Variants in TNFRSF19 observed in about 807,000 individuals in gnomAD.
TNFRSF19 encodes tumor necrosis factor receptor superfamily member 19.
Under a neutral mutation model 46.4 loss-of-function variants are expected in TNFRSF19, and 27 were observed. The ratio of observed to expected loss-of-function variants is 0.58; its 90% CI spans 0.43 to 0.80. TNFRSF19 has a LOEUF of 0.80. TNFRSF19 is among the 30% of genes least tolerant of loss of function. The pLI is 0.00. For synonymous variants in TNFRSF19, 204 were observed against 205.0 expected (o/e 1.00, Z 0.04); for missense variants, 511 against 530.8 (o/e 0.96, Z 0.37).
chr13:23,665,628 G>A (rs1227366204), intron 7 of TNFRSF19, among the ~76,000 whole-genome samples: 1 of 152,008 alleles, frequency 6.6e-6, no homozygotes. Context: ...TCTCGTGTGT[G>A]TGTATACTTG....
rs76896971 is a variant in TNFRSF19, at chr13:23,639,754, G to T, written c.445+12962G>T. On this transcript the variant is annotated intron_variant, in intron 5 of 9. Transcript: ENST00000248484. ...GAGGGAGCGGGCGACAGTGAGAACT[G>T]AGGCAGTGGTGGGAGGGAGGGAGAG... Among the ~76,000 whole-genome samples the T allele has an allele frequency of 8.7e-3, 1,332 of 152,350 alleles. 19 individuals are homozygous for T. The highest frequency in any genetic ancestry group is 0.03 in the African/African-American group (1,262 of 41,580).
chr13:23,628,129 G>C (rs1170094373), intron 5 of TNFRSF19, among the ~76,000 whole-genome samples: 1 of 152,120 alleles, frequency 6.6e-6, no homozygotes, highest in Non-Finnish European at 1.5e-5. Context: ...CACTAGTCCA[G>C]AGAGGTGAAT....
At chr13:23,667,384 T>G (rs1951658624) in intron 7 of TNFRSF19, among the ~76,000 whole-genome samples, 1 of 152,144 alleles carries the variant, frequency 6.6e-6, no homozygotes, top group Non-Finnish European at 1.5e-5. Context: ...TAAAAAGAAA[T>G]GGTGTGTCTG....
chr13:23,639,628 C>T (rs1049403178), intron 5 of TNFRSF19, among the ~76,000 whole-genome samples: 1 of 152,172 alleles, frequency 6.6e-6, no homozygotes, highest in Non-Finnish European at 1.5e-5. Context: ...TGCTTCTTCC[C>T]TAGGTAGCTC....
chr13:23,647,228 G>T (rs180935815), intron 5 of TNFRSF19, among the ~76,000 whole-genome samples: 1 of 152,082 alleles, frequency 6.6e-6, no homozygotes, highest in African/African-American at 2.4e-5. Flanking sequence ...TGCTCTGTGG[G>T]CTGTCATTTC....
intron 5 of TNFRSF19, among the ~76,000 whole-genome samples, chr13:23,639,889 A>G (rs753695158): frequency 2.0e-5 from 3 of 152,244 alleles, no homozygotes; most frequent in Non-Finnish European, 2.9e-5. Flanking sequence ...TTGAAATACA[A>G]AGGACTTATT....
At chr13:23,647,515 G>T (rs972725962) in intron 5 of TNFRSF19, among the ~76,000 whole-genome samples, 9 of 152,090 alleles carry the variant, frequency 5.9e-5, no homozygotes, top group African/African-American at 2.2e-4. Flanking sequence ...TGATCCTCCT[G>T]TCTCAGCCTC....
intron 3 of TNFRSF19, among the ~76,000 whole-genome samples, chr13:23,597,096 G>A (rs974183818): frequency 2.6e-5 from 4 of 152,132 alleles, no homozygotes; most frequent in African/African-American, 9.7e-5. Flanking sequence ...AGCTAAAGTA[G>A]CATTTAGAAG....
chr13:23,588,093 C>T (rs1878974566), intron 1 of TNFRSF19, among the ~76,000 whole-genome samples: 1 of 152,114 alleles, frequency 6.6e-6, no homozygotes. Flanking sequence ...TTATTATGTG[C>T]CAGAAACGGT....
chr13:23,627,963 C>T (rs1882112212), intron 5 of TNFRSF19, among the ~76,000 whole-genome samples: 2 of 152,098 alleles, frequency 1.3e-5, no homozygotes, highest in South Asian at 4.2e-4. Flanking sequence ...TATATCGATC[C>T]TCATTTTTAT....
At chr13:23,582,775 C>A (rs1229419125) in intron 1 of TNFRSF19, among the ~76,000 whole-genome samples, 1 of 152,160 alleles carries the variant, frequency 6.6e-6, no homozygotes, top group South Asian at 2.1e-4. Flanking sequence ...TGTATTAGTT[C>A]GCATTTTCTA....
intron 1 of TNFRSF19, among the ~76,000 whole-genome samples, chr13:23,581,726 A>G (rs896969869): frequency 1.3e-5 from 2 of 152,198 alleles, no homozygotes; most frequent in Non-Finnish European, 2.9e-5. Flanking sequence ...CATTCATAAA[A>G]AGAATTTGAG....
At chr13:23,626,223 G>GTGTGTGTGTGTGTGT in intron 4 of TNFRSF19, among the ~76,000 whole-genome samples, 1 of 146,936 alleles carries the variant, frequency 6.8e-6, no homozygotes, top group African/African-American at 2.5e-5. Context: ...GTGTGTGTGT[G>GTGTGTGTGTGTGTGT]GTTGCTGTTC....
intron 5 of TNFRSF19, among the ~76,000 whole-genome samples, chr13:23,640,522 T>C (rs1882975118): frequency 2.0e-5 from 3 of 152,174 alleles, no homozygotes; most frequent in African/African-American, 7.2e-5. Context: ...GAGCTGCTCT[T>C]TCTGGTTATA....
chr13:23,648,073 T>A (rs938807736), intron 5 of TNFRSF19, among the ~76,000 whole-genome samples: 5 of 152,180 alleles, frequency 3.3e-5, no homozygotes, highest in Non-Finnish European at 7.4e-5. Flanking sequence ...TATTTCAGGG[T>A]TCCTTGAAAT....
At chr13:23,673,298 C>A (rs780754467) in intron 9 of TNFRSF19, 74 bp from the exon 10 acceptor site, 279 of 1,498,432 alleles carry the variant, frequency 1.9e-4, no homozygotes, top group Non-Finnish European at 2.3e-4. Context: ...CATAATAATT[C>A]TTTACCATTG....
intron 1 of TNFRSF19, among the ~76,000 whole-genome samples, chr13:23,583,853 T>C (rs1480713663): frequency 2.6e-5 from 4 of 152,218 alleles, no homozygotes; most frequent in African/African-American, 4.8e-5. Context: ...TCCCTGATGC[T>C]ACCATTGTTC....
At chr13:23,578,638 A>G (rs1047815812) in intron 1 of TNFRSF19, among the ~76,000 whole-genome samples, 3 of 152,226 alleles carry the variant, frequency 2.0e-5, no homozygotes, top group African/African-American at 7.2e-5. Context: ...AAAGTCATGC[A>G]CCGTATCTTG....
chr13:23,633,081 C>A (rs1485410452), intron 5 of TNFRSF19, among the ~76,000 whole-genome samples: 1 of 150,216 alleles, frequency 6.7e-6, no homozygotes, highest in Non-Finnish European at 1.5e-5. Flanking sequence ...AAAAGGGGTG[C>A]AGGGATGATC....
Sources: allele counts gnomAD v4.1 joint callset (sites outside exome capture counted in the v4.1 genomes callset), GRCh38; gene constraint gnomAD v4.1.1; transcripts MANE v1.5; gene names NCBI Gene and HGNC (gene_info 2026-07-23, HGNC 2026-07-21).